The following AVPR1B variants were observed in gnomAD, a reference collection of about 807,000 sequenced individuals.
AVPR1B encodes arginine vasopressin receptor 1B, also known as vasopressin V1b receptor.
AVPR1B carries 25 observed loss-of-function variants against 27.5 expected under a neutral mutation model. The ratio of observed to expected loss-of-function variants is 0.91; its 90% CI spans 0.66 to 1.27. The LOEUF is 1.27. Ranked by LOEUF, AVPR1B falls within the 50% of genes most tolerant of loss-of-function variation. AVPR1B has a pLI of 0.00. For synonymous variants in AVPR1B, 248 were observed against 240.2 expected, an observed-to-expected ratio of 1.03 and a Z score of -0.30; for missense variants, 595 against 556.9, an observed-to-expected ratio of 1.07 and a Z score of -0.69.
Position 206,115,962 on chromosome 1 carries a change from G to A in AVPR1B, c.929C>T (p.Ala310Val), listed in dbSNP as rs782300568. 6.3e-7 allele frequency: 1 copy of A among 1,598,672 alleles called. No individual in the cohort carries two copies. Among genetic ancestry groups the A allele is most frequent in the Non-Finnish European group, 8.6e-7 (1 of 1,169,274 alleles). Residue 310 changes from alanine (A) to valine (V), a missense_variant, in exon 1 of 2, where the codon GCC becomes GTC. Physicochemically the swap from Ala to Val is moderately conservative, Grantham distance 64 (BLOSUM62 0). Transcript: ENST00000367126. ...VQMWSVWDKN[A>V]PDEDSTNVAF... ...TAGACCCCACTTGCCTTCATCAGGG[G>A]CATTCTTGTCCCACACGGACCACAT...
In AVPR1B at chr1:206,109,048, C is replaced by G. The variant is rs1481937848; in HGVS notation, c.*1141G>C. On this transcript the variant is annotated 3_prime_UTR_variant, in exon 2 of 2. Transcript: ENST00000367126. Reference sequence around the variant, plus strand: ...TATCCTTTGTGTTTCTCTGTAACACCATTTCCAGTATTGCAGAGTCATGGA... The same window carrying G: ...TATCCTTTGTGTTTCTCTGTAACACGATTTCCAGTATTGCAGAGTCATGGA... Among the ~76,000 whole-genome samples the G allele has an allele frequency of 6.6e-6, 1 of 152,210 alleles. No homozygotes were observed. Among genetic ancestry groups the G allele is most frequent in the Non-Finnish European group, 1.5e-5 (1 of 68,036 alleles).
chr1:206,110,777 A>G (rs1244517568), intron 1 of AVPR1B, among the ~76,000 whole-genome samples: 1 of 152,170 alleles, frequency 6.6e-6, no homozygotes, highest in Non-Finnish European at 1.5e-5. Context: ...GTAGGAGCTG[A>G]GGTTTCCTTC....
chr1:206,108,365 C>T lies in AVPR1B; in HGVS notation c.*1824G>A, dbSNP rs191277601. ...GTTCTCTAGCACTGAAGGACTGGGA[C>T]GCTTTGCTCACTCACAACATTCAGC... On this transcript the variant is annotated 3_prime_UTR_variant, in exon 2 of 2. Coordinates refer to ENST00000367126, the MANE Select transcript of AVPR1B (RefSeq NM_000707.5). 5.9e-5 allele frequency among the ~76,000 whole-genome samples: 9 copies of T among 152,328 alleles called. No homozygotes were observed. The highest frequency in any genetic ancestry group is 1.4e-4 in the African/African-American group (6 of 41,564).
At position 206,116,782 on chromosome 1, in the gene AVPR1B, C is replaced by T; in HGVS notation, c.109G>A (p.Glu37Lys). 6.2e-7 allele frequency: 1 copy of T among 1,613,790 alleles called. No homozygotes were observed. The highest frequency in any genetic ancestry group is 1.1e-5 in the South Asian group (1 of 91,034). The change falls in exon 1 of 2, where the codon GAG becomes AAG. Residue 37 changes from glutamate to lysine, a missense_variant. Transcript: ENST00000367126. Reference protein sequence around the residue: ...LGRDEELAKVEIGVLATVLVL... With the variant: ...LGRDEELAKVKIGVLATVLVL... ...AGGACAGTGGCCAGGACTCCGATCTCCACCTTGGCCAGCTCCTCATCCCGG... is the reference window on the plus strand; with the variant it reads ...AGGACAGTGGCCAGGACTCCGATCTTCACCTTGGCCAGCTCCTCATCCCGG...
intron 1 of AVPR1B, among the ~76,000 whole-genome samples, chr1:206,112,516 T>C (rs1361418119): frequency 6.6e-6 from 1 of 152,198 alleles, no homozygotes; most frequent in Non-Finnish European, 1.5e-5. Context: ...AGGGTCTCGC[T>C]CTGACCCTCA....
intron 1 of AVPR1B, among the ~76,000 whole-genome samples, chr1:206,112,236 T>C (rs1463026955): frequency 6.6e-6 from 1 of 151,782 alleles, no homozygotes; most frequent in East Asian, 1.9e-4. Flanking sequence ...AGAGTTTGGA[T>C]GTTTGTGCCC....
At chr1:206,114,396 C>T (rs1663427967) in intron 1 of AVPR1B, among the ~76,000 whole-genome samples, 1 of 152,146 alleles carries the variant, frequency 6.6e-6, no homozygotes, top group South Asian at 2.1e-4. Flanking sequence ...TCATAGCCAC[C>T]CAGACAGGTC....
chr1:206,110,219 C>T lies in AVPR1B; in HGVS notation c.1245G>A (p.Gly415=), dbSNP rs1663347761. 1.2e-6 allele frequency: 2 copies of T among 1,612,394 alleles called. No homozygotes were observed. Among genetic ancestry groups the T allele is most frequent in the East Asian group, 2.2e-5 (1 of 44,824 alleles). ...ESPRDLELAD[G]EGTAETIIF ...AGATGATGGTCTCAGCGGTGCCTTC[C>T]CCATCTGCCAGCTCCAAGTCCCTTG... Residue 415 remains glycine (G), a synonymous_variant, in exon 2 of 2, where the codon GGG becomes GGA. Coordinates refer to ENST00000367126, the MANE Select transcript of AVPR1B (RefSeq NM_000707.5).
chr1:206,112,219 G>A (rs1663393730), intron 1 of AVPR1B, among the ~76,000 whole-genome samples: 2 of 152,116 alleles, frequency 1.3e-5, no homozygotes, highest in South Asian at 4.2e-4. Flanking sequence ...GAGAGACAGG[G>A]AGAAAAAGAG....
In AVPR1B at chr1:206,116,759, G is replaced by C. The variant is rs535205715; in HGVS notation, c.132C>G (p.Val44=). The C allele has an allele frequency of 9.2e-5, 148 of 1,612,972 alleles. 1 individual carries two copies. In the South Asian group the frequency reaches 1.6e-3, roughly 17 times the overall value. Residue 44 remains valine, a synonymous_variant, in exon 1 of 2, where the codon GTC becomes GTG. Transcript: ENST00000367126. ...AKVEIGVLAT[V]LVLATGGNLA... ...GGTTGCCCCCGGTCGCCAGCACCAG[G>C]ACAGTGGCCAGGACTCCGATCTCCA...
intron 1 of AVPR1B, among the ~76,000 whole-genome samples, chr1:206,112,507 G>C (rs1553289974): frequency 6.6e-6 from 1 of 152,106 alleles, no homozygotes; most frequent in Non-Finnish European, 1.5e-5. Flanking sequence ...TTTTGAGACA[G>C]GGTCTCGCTC....
At position 206,110,508 on chromosome 1, in the gene AVPR1B, G is replaced by T; in HGVS notation, c.956C>A (p.Ala319Asp). The T allele has an allele frequency of 6.2e-7, 1 of 1,608,720 alleles. No individual in the cohort carries two copies. Residue 319 changes from alanine to aspartate, a missense_variant, in exon 2 of 2, where the codon GCT (alanine) becomes GAT (aspartate). Physicochemically the swap from Ala to Asp is moderately radical, Grantham distance 126. Coordinates refer to ENST00000367126, the MANE Select transcript of AVPR1B (RefSeq NM_000707.5). Reference protein sequence around the residue: ...NAPDEDSTNVAFTISMLLGNL... With the variant: ...NAPDEDSTNVDFTISMLLGNL... The stretch of plus-strand genomic sequence containing the variant: ...GCCCAAAAGCATAGAGATGGTGAAA[G>T]CCACATTGGTGGAATCTACCAAGAG...
At position 206,108,003 on chromosome 1, in the gene AVPR1B, T is replaced by A. The variant is rs531739685; in HGVS notation, c.*2186A>T. On this transcript the variant is annotated 3_prime_UTR_variant, in exon 2 of 2. Transcript: ENST00000367126. ...AGGTAGAAAAGGGGTGAGATCAAGA[T>A]GCAAACCCAGGTCTTTGGGGCACAC... Among the ~76,000 whole-genome samples the A allele has an allele frequency of 3.0e-4, 46 of 152,314 alleles. No individual in the cohort carries two copies. The highest frequency in any genetic ancestry group is 1.1e-3 in the African/African-American group (44 of 41,566).
chr1:206,111,738 C>T (rs1168752723), intron 1 of AVPR1B, among the ~76,000 whole-genome samples: 5 of 152,162 alleles, frequency 3.3e-5, no homozygotes, highest in Non-Finnish European at 7.3e-5. Flanking sequence ...GATGTGGCAA[C>T]TCATGGCTCA....
At chr1:206,112,485 T>C (rs1553289970) in intron 1 of AVPR1B, among the ~76,000 whole-genome samples, 1 of 152,130 alleles carries the variant, frequency 6.6e-6, no homozygotes, top group African/African-American at 2.4e-5. Flanking sequence ...CTATTCTTCT[T>C]TTTAATTTTC....
intron 1 of AVPR1B, among the ~76,000 whole-genome samples, chr1:206,114,116 T>A (rs1663423394): frequency 6.6e-6 from 1 of 152,204 alleles, no homozygotes; most frequent in Admixed American, 6.5e-5. Flanking sequence ...AATTCATGAA[T>A]GGCTCTCCTC....
At chr1:206,114,616 C>T (rs180817508) in intron 1 of AVPR1B, among the ~76,000 whole-genome samples, 133 of 152,322 alleles carry the variant, frequency 8.7e-4, no homozygotes, top group Non-Finnish European at 1.6e-3. Context: ...AGCCAGGCCT[C>T]CCATGTGCCA....
rs782656927 is a variant in AVPR1B, at chr1:206,116,370, A to C, written c.521T>G (p.Leu174Arg). Residue 174 changes from leucine (L) to arginine (R), a missense_variant, in exon 1 of 2, where the codon CTG becomes CGG. Transcript: ENST00000367126. The stretch of plus-strand genomic sequence containing the variant: ...CCCTGAGCCCTGGATCACCTCCCGC[A>C]GGGAAAAAATGAAGACTTGAGGGAG... ...FSLPQVFIFS[L>R]REVIQGSGVL... The C allele has an allele frequency of 1.2e-6, 2 of 1,613,718 alleles. No homozygotes were observed. The highest frequency in any genetic ancestry group is 2.2e-5 in the South Asian group (2 of 91,086).
In AVPR1B at chr1:206,116,328, G is replaced by C; in HGVS notation, c.563C>G (p.Ala188Gly). 6.2e-7 allele frequency: 1 copy of C among 1,613,534 alleles called. No homozygotes were observed. Among genetic ancestry groups the C allele is most frequent in the South Asian group, 1.1e-5 (1 of 91,084 alleles). The change falls in exon 1 of 2, where the codon GCA becomes GGA. Residue 188 changes from alanine to glycine, a missense_variant. Coordinates refer to ENST00000367126, the MANE Select transcript of AVPR1B (RefSeq NM_000707.5). ...IQGSGVLDCW[A>G]DFGFPWGPRA... is the part of the protein sequence containing the mutation. Reference sequence around the variant, plus strand: ...TGGCCCCCAAGGGAAGCCGAAGTCTGCCCAGCAGTCCAGCACCCCTGAGCC... The same window carrying C: ...TGGCCCCCAAGGGAAGCCGAAGTCTCCCCAGCAGTCCAGCACCCCTGAGCC...
Sources: gnomAD v4.1 joint callset for allele counts (sites outside exome capture counted in the v4.1 genomes callset) on GRCh38, gnomAD v4.1.1 for gene constraint, MANE v1.5 for transcripts, NCBI Gene and HGNC (gene_info 2026-07-23, HGNC 2026-07-21) for gene names.